Variants in MTUS2 observed in about 807,000 individuals in gnomAD.
The protein encoded by MTUS2 is microtubule associated scaffold protein 2.
Under a neutral mutation model 114.1 loss-of-function variants are expected in MTUS2, and 40 were observed. The observed-to-expected ratio is 0.35, with a 90% CI of 0.27 to 0.46. MTUS2 has a LOEUF of 0.46. Among genes scored for constraint, MTUS2 ranks in the 20% least tolerant of loss-of-function variants. The probability of loss-of-function intolerance (pLI) is 1.00; values close to 1 mark genes in which losing one functional copy is unlikely to be tolerated. For missense variants in MTUS2, 1,679 were observed against 1,705.4 expected (o/e 0.98, Z 0.27); for synonymous variants, 688 against 672.0 (o/e 1.02, Z -0.37).
intron 8 of MTUS2, among the ~76,000 whole-genome samples, chr13:29,387,113 A>G (rs1872679792): frequency 6.6e-6 from 1 of 152,170 alleles, no homozygotes; most frequent in South Asian, 2.1e-4. Context: ...GCCCTGACTG[A>G]GTTTACATAT....
chr13:28,870,217 G>C (rs957436250), intron 2 of MTUS2, among the ~76,000 whole-genome samples: 1 of 152,132 alleles, frequency 6.6e-6, no homozygotes, highest in Admixed American at 6.5e-5. Flanking sequence ...TAGTAAAAAG[G>C]TGTGTGAAAT....
At chr13:28,868,730 T>G (rs1877446664) in intron 2 of MTUS2, among the ~76,000 whole-genome samples, 1 of 152,210 alleles carries the variant, frequency 6.6e-6, no homozygotes, top group Admixed American at 6.5e-5. Context: ...AAAAGACATT[T>G]TAACTCCAGA....
chr13:29,416,913 T>G (rs1483476653), intron 8 of MTUS2, among the ~76,000 whole-genome samples: 1 of 152,214 alleles, frequency 6.6e-6, no homozygotes, highest in African/African-American at 2.4e-5. Context: ...TGGGTTAACT[T>G]TCCCAAGTAC....
chr13:28,998,962 C>G (rs552604455), intron 2 of MTUS2, among the ~76,000 whole-genome samples: 1 of 152,280 alleles, frequency 6.6e-6, no homozygotes, highest in East Asian at 1.9e-4. Flanking sequence ...GGAGGAGAGG[C>G]ACTCAGATTT....
intron 2 of MTUS2, among the ~76,000 whole-genome samples, chr13:28,875,828 C>T (rs1877896800): frequency 6.6e-6 from 1 of 152,124 alleles, no homozygotes; most frequent in Non-Finnish European, 1.5e-5. Context: ...CTTAAGTGAT[C>T]ATTTTGTAGG....
intron 2 of MTUS2, among the ~76,000 whole-genome samples, chr13:28,993,649 C>A (rs943676235): frequency 6.6e-6 from 1 of 152,068 alleles, no homozygotes; most frequent in African/African-American, 2.4e-5. Flanking sequence ...TATCCCAGCA[C>A]CATTTATTGA....
chr13:29,294,564 A>G (rs529233045), intron 6 of MTUS2, among the ~76,000 whole-genome samples: 2 of 152,316 alleles, frequency 1.3e-5, no homozygotes, highest in African/African-American at 4.8e-5. Flanking sequence ...AAGTTGGTAT[A>G]TTTATGATTA....
chr13:28,986,756 C>T (rs1433942767), intron 2 of MTUS2, among the ~76,000 whole-genome samples: 4 of 152,210 alleles, frequency 2.6e-5, no homozygotes, highest in African/African-American at 9.6e-5. Context: ...CAGTGTTCAT[C>T]ACTCCAGAGC....
intron 6 of MTUS2, among the ~76,000 whole-genome samples, chr13:29,304,702 C>T (rs1899360198): frequency 1.3e-5 from 2 of 152,126 alleles, no homozygotes; most frequent in Admixed American, 6.5e-5. Context: ...GACTTTAACA[C>T]CCCACTGACA....
chr13:29,368,149 A>G (rs564881257), intron 8 of MTUS2, among the ~76,000 whole-genome samples: 2 of 151,934 alleles, frequency 1.3e-5, no homozygotes, highest in Non-Finnish European at 2.9e-5. Context: ...CATGTTAGCC[A>G]GGATGGTCTC....
intron 5 of MTUS2, among the ~76,000 whole-genome samples, chr13:29,211,357 C>A (rs762086365): frequency 3.9e-5 from 6 of 152,296 alleles, no homozygotes; most frequent in Non-Finnish European, 7.3e-5. Context: ...ATGCCCCAGG[C>A]TACAAGCCTC....
Position 29,378,477 on chromosome 13 carries a change from T to G in MTUS2, c.3117+19004T>G, listed in dbSNP as rs1871931816. Among the ~76,000 whole-genome samples, 3 of 152,082 alleles carry G rather than the reference T, an allele frequency of 2.0e-5. No homozygotes were observed. The South Asian group carries it at 6.2e-4, about 32-fold the overall frequency. ...AGTGCTGATTTGAAGTGAATAACTTTCAGAGCACTCCCTGCCGTGCTCGTG... is the reference window on the plus strand; with the variant it reads ...AGTGCTGATTTGAAGTGAATAACTTGCAGAGCACTCCCTGCCGTGCTCGTG... On this transcript the variant is annotated intron_variant, in intron 8 of 15. Coordinates refer to ENST00000612955, the MANE Select transcript of MTUS2 (RefSeq NM_001033602.4).
intron 5 of MTUS2, among the ~76,000 whole-genome samples, chr13:29,180,812 G>A (rs947358168): frequency 2.6e-5 from 4 of 152,102 alleles, no homozygotes; most frequent in Non-Finnish European, 5.9e-5. Flanking sequence ...AGGGTTGTCC[G>A]GGGTAGCCTT....
chr13:29,311,398 T>A, intron 6 of MTUS2, among the ~76,000 whole-genome samples: 1 of 152,340 alleles, frequency 6.6e-6, no homozygotes, highest in African/African-American at 2.4e-5. Context: ...TGTTAAGTAT[T>A]GTATTTTATA....
chr13:29,319,809 G>A (rs1314083755), intron 6 of MTUS2, among the ~76,000 whole-genome samples: 1 of 152,048 alleles, frequency 6.6e-6, no homozygotes, highest in African/African-American at 2.4e-5. Context: ...AGAGATCAGG[G>A]AAAGCTGAAT....
intron 5 of MTUS2, among the ~76,000 whole-genome samples, chr13:29,253,175 T>C (rs1436334268): frequency 6.6e-6 from 1 of 151,750 alleles, no homozygotes; most frequent in East Asian, 1.9e-4. Context: ...CCTGTAATTC[T>C]AGCACTTTGG....
chr13:29,427,289 T>G (rs1308415629), intron 8 of MTUS2, among the ~76,000 whole-genome samples: 1 of 151,492 alleles, frequency 6.6e-6, no homozygotes, highest in African/African-American at 2.5e-5. Flanking sequence ...CAAATGTGTA[T>G]GTTTGCTTTG....
At chr13:28,971,672 T>TA (rs1222765986) in intron 2 of MTUS2, among the ~76,000 whole-genome samples, 1 of 152,196 alleles carries the variant, frequency 6.6e-6, no homozygotes, top group Non-Finnish European at 1.5e-5. Context: ...AGCACCACCT[T>TA]ACGTTTTCAT....
At chr13:28,825,508 A>G (rs1874204600) in intron 1 of MTUS2, among the ~76,000 whole-genome samples, 1 of 152,124 alleles carries the variant, frequency 6.6e-6, no homozygotes, top group South Asian at 2.1e-4. Context: ...AGGAGGGGAA[A>G]TTACTCAGTC....
Sources: allele counts gnomAD v4.1 joint callset (sites outside exome capture counted in the v4.1 genomes callset), GRCh38; gene constraint gnomAD v4.1.1; transcripts MANE v1.5; gene names NCBI Gene and HGNC (gene_info 2026-07-23, HGNC 2026-07-21).